The following ANKFN1 variants were observed in gnomAD, a reference collection of about 807,000 sequenced individuals.
The protein encoded by ANKFN1 is ankyrin repeat and fibronectin type III domain containing 1, also known as ankyrin repeat and fibronectin type-III domain-containing protein 1.
ANKFN1 carries 74 observed loss-of-function variants against 108.7 expected under a neutral mutation model. The ratio of observed to expected loss-of-function variants is 0.68; its 90% CI spans 0.56 to 0.83. The LOEUF is 0.83. Among genes scored for constraint, ANKFN1 ranks in the 40% least tolerant of loss-of-function variants. The pLI, the probability that ANKFN1 is intolerant of heterozygous loss-of-function variation, is 0.00. For synonymous variants in ANKFN1, 547 were observed against 516.2 expected, an observed-to-expected ratio of 1.06 and a Z score of -0.81; for missense variants, 1,505 against 1,382.3, an observed-to-expected ratio of 1.09 and a Z score of -1.41.
chr17:56,161,708 A>G (rs182668246), intron 1 of ANKFN1, among the ~76,000 whole-genome samples: 3 of 152,288 alleles, frequency 2.0e-5, no homozygotes, highest in Admixed American at 1.3e-4. Flanking sequence ...ATTAAAAGAG[A>G]CCTAGACAAG....
At chr17:56,111,413 T>C (rs1370941480) in intron 4 of ANKFN1, among the ~76,000 whole-genome samples, 2 of 152,034 alleles carry the variant, frequency 1.3e-5, no homozygotes. Context: ...TGCCTGTGAG[T>C]CTCTTTCTCC....
At chr17:56,173,921 A>G (rs983204576) in intron 1 of ANKFN1, among the ~76,000 whole-genome samples, 5 of 152,252 alleles carry the variant, frequency 3.3e-5, no homozygotes, top group Admixed American at 2.0e-4. Context: ...GATCCCAAAT[A>G]TTAATTACTT....
At chr17:56,385,633 G>A (rs552463246) in intron 8 of ANKFN1, among the ~76,000 whole-genome samples, 13 of 151,978 alleles carry the variant, frequency 8.6e-5, no homozygotes, top group South Asian at 2.1e-4. Flanking sequence ...AGAAAAAAAC[G>A]AACAACCCCA....
At chr17:56,141,860 C>T (rs891916885) in intron 4 of ANKFN1, among the ~76,000 whole-genome samples, 6 of 151,742 alleles carry the variant, frequency 4.0e-5, no homozygotes, top group South Asian at 2.1e-4. Flanking sequence ...AATCAAAAAG[C>T]ACTTCTAACC....
intron 4 of ANKFN1, among the ~76,000 whole-genome samples, chr17:56,047,035 T>C (rs576225179): frequency 6.6e-6 from 1 of 152,296 alleles, no homozygotes; most frequent in South Asian, 2.1e-4. Context: ...GAACACTGGA[T>C]AGATTGAAGT....
At chr17:56,363,401 T>G (rs559070516) in intron 6 of ANKFN1, among the ~76,000 whole-genome samples, 1 of 152,128 alleles carries the variant, frequency 6.6e-6, no homozygotes, top group Admixed American at 6.6e-5. Flanking sequence ...TCAGACTGGC[T>G]ATTATCAAAA....
At chr17:56,458,828 T>G (rs934266300) in intron 14 of ANKFN1, among the ~76,000 whole-genome samples, 2 of 152,218 alleles carry the variant, frequency 1.3e-5, no homozygotes, top group African/African-American at 4.8e-5. Flanking sequence ...TAAGCTGTGT[T>G]TGGCCAGGCC....
chr17:56,433,531 C>T (rs948614764), intron 8 of ANKFN1, among the ~76,000 whole-genome samples: 1 of 151,880 alleles, frequency 6.6e-6, no homozygotes, highest in East Asian at 1.9e-4. Flanking sequence ...TTTGCAGCAA[C>T]CTAGATGAGA....
intron 4 of ANKFN1, among the ~76,000 whole-genome samples, chr17:56,127,373 G>A (rs1004566572): frequency 6.6e-6 from 1 of 152,062 alleles, no homozygotes; most frequent in Non-Finnish European, 1.5e-5. Flanking sequence ...GACTGCAGTG[G>A]CACGGTCTCC....
At chr17:56,471,660 T>G (rs930752936) in intron 15 of ANKFN1, 9 of 152,186 alleles carry the variant, frequency 5.9e-5, no homozygotes, top group African/African-American at 2.2e-4. Context: ...AACTGACGAA[T>G]GGGTAAACAA....
intron 4 of ANKFN1, among the ~76,000 whole-genome samples, chr17:56,122,444 G>T (rs1906681254): frequency 6.6e-6 from 1 of 152,134 alleles, no homozygotes; most frequent in African/African-American, 2.4e-5. Flanking sequence ...TCTCTCAGCT[G>T]CAGTTTACTT....
rs536118073 is a variant in ANKFN1 at position 56,475,147 on chromosome 17, C to G, written c.1774-2341C>G. On this transcript the variant is annotated intron_variant, in intron 15 of 20. Coordinates refer to ENST00000682825, the MANE Select transcript of ANKFN1 (RefSeq NM_001370326.1). The stretch of plus-strand genomic sequence containing the variant: ...GGACACAAAGCAATGAAAAACATAG[C>G]CTTACCATTAATTTCACAGTTTAGT... Among the ~76,000 whole-genome samples, 17 of 152,256 alleles carry G rather than the reference C, an allele frequency of 1.1e-4. No homozygotes were observed. In the South Asian group the frequency reaches 3.1e-3, roughly 28 times the overall value.
chr17:56,076,481 C>A (rs1226126551), intron 4 of ANKFN1, among the ~76,000 whole-genome samples: 1 of 152,178 alleles, frequency 6.6e-6, no homozygotes, highest in African/African-American at 2.4e-5. Context: ...GTTATAATTA[C>A]CCTCACTTAG....
intron 4 of ANKFN1, among the ~76,000 whole-genome samples, chr17:56,123,665 A>C (rs1906749657): frequency 6.6e-6 from 1 of 152,156 alleles, no homozygotes; most frequent in African/African-American, 2.4e-5. Context: ...AAATCTAAGA[A>C]ATGAGTCAAG....
At chr17:56,389,379 G>T (rs1487760301) in intron 8 of ANKFN1, among the ~76,000 whole-genome samples, 2 of 152,204 alleles carry the variant, frequency 1.3e-5, no homozygotes, top group African/African-American at 4.8e-5. Context: ...CAGATTAGCG[G>T]TTGCCAAGAG....
At position 56,129,656 on chromosome 17, in the gene ANKFN1, A is replaced by C. The variant is rs566299260; in HGVS notation, c.288+83331A>C. On this transcript the variant is annotated intron_variant, in intron 4 of 12. Coordinates refer to the ANKFN1 transcript ENST00000635860. Reference sequence around the variant, plus strand: ...TGATTTTAAAGTAAATAAGAACACAAGGTTCATATTATTTTAAATGTATAT... The same window carrying C: ...TGATTTTAAAGTAAATAAGAACACACGGTTCATATTATTTTAAATGTATAT... Among the ~76,000 whole-genome samples, 171 of 152,326 alleles carry C rather than the reference A, an allele frequency of 1.1e-3. 2 individuals are homozygous for C. The highest frequency in any genetic ancestry group is 3.9e-3 in the African/African-American group (164 of 41,578).
At chr17:56,061,005 A>G (rs536452174) in intron 4 of ANKFN1, among the ~76,000 whole-genome samples, 43 of 152,262 alleles carry the variant, frequency 2.8e-4, no homozygotes, top group South Asian at 6.2e-4. Context: ...TTCAGAAGGA[A>G]TGGTACCAGC....
chr17:56,169,980 G>C (rs1322745540), intron 1 of ANKFN1, among the ~76,000 whole-genome samples: 1 of 152,156 alleles, frequency 6.6e-6, no homozygotes, highest in Non-Finnish European at 1.5e-5. Context: ...CAGAGGCCCT[G>C]ATCAGGTCGA....
intron 1 of ANKFN1, among the ~76,000 whole-genome samples, chr17:56,212,272 C>A (rs1005487389): frequency 5.3e-5 from 8 of 151,896 alleles, no homozygotes; most frequent in African/African-American, 1.7e-4. Flanking sequence ...TTGTCAAATG[C>A]TTTTTCTGTG....
Sources: gnomAD v4.1 joint callset for allele counts (sites outside exome capture counted in the v4.1 genomes callset) on GRCh38, gnomAD v4.1.1 for gene constraint, MANE v1.5 for transcripts, NCBI Gene and HGNC (gene_info 2026-07-23, HGNC 2026-07-21) for gene names.